The following TBC1D16 variants were observed in gnomAD, a reference collection of about 807,000 sequenced individuals.
TBC1D16 encodes TBC1 domain family member 16.
TBC1D16 carries 58 observed loss-of-function variants against 74.7 expected under a neutral mutation model. That is an observed-to-expected ratio of 0.78 (90% CI 0.63 to 0.97). The LOEUF (loss-of-function observed/expected upper bound fraction) is 0.97. Among genes scored for constraint, TBC1D16 ranks in the 50% least tolerant of loss-of-function variants. The pLI is 0.00. For synonymous variants in TBC1D16, 493 were observed against 474.7 expected (o/e 1.04, Z -0.50); for missense variants, 1,014 against 1,079.5 (o/e 0.94, Z 0.85).
At chr17:80,004,038 C>T (rs1021153402) in intron 3 of TBC1D16, among the ~76,000 whole-genome samples, 4 of 152,176 alleles carry the variant, frequency 2.6e-5, no homozygotes, top group Non-Finnish European at 4.4e-5. Context: ...CTGAGCAATA[C>T]GGTGAGACTC....
In TBC1D16 at chr17:80,002,068, C is replaced by T. The variant is rs4076066; in HGVS notation, c.779+8092G>A. The stretch of plus-strand genomic sequence containing the variant: ...TGGGCAGAAAAGGAACGGCAGGAAA[C>T]GCAGAAGGGATCCGGAACGAGCAGA... On this transcript the variant is annotated intron_variant, in intron 3 of 11. Coordinates refer to ENST00000310924, the MANE Select transcript of TBC1D16 (RefSeq NM_019020.4). 8.5e-5 allele frequency among the ~76,000 whole-genome samples: 13 copies of T among 152,250 alleles called. No homozygotes were observed. In the East Asian group the frequency reaches 1.5e-3, roughly 18 times the overall value.
In TBC1D16 at chr17:79,944,956, G is replaced by C. The variant is rs376608231; in HGVS notation, c.1860C>G (p.Pro620=). The change falls in exon 10 of 12, where the codon CCC becomes CCG. Residue 620 remains proline, a synonymous_variant. Coordinates refer to ENST00000310924, the MANE Select transcript of TBC1D16 (RefSeq NM_019020.4). This position sits in a 1 kb window ranked among gnomAD's most constrained non-coding sequence, Gnocchi z 7.7. ...CCCAGATCCGCAGCGCTTCGGCCTC[G>C]GGGAACTCCCGCTTGAAGCACAGAA... ...WLLLCFKREF[P]EAEALRIWEA... is the part of the protein sequence containing the mutation. The C allele has an allele frequency of 1.3e-6, 2 of 1,556,366 alleles. No homozygotes were observed. The highest frequency in any genetic ancestry group is 1.7e-6 in the Non-Finnish European group (2 of 1,149,838).
rs1189972219 is a variant in TBC1D16, at chr17:79,985,296, A to G, written c.779+24864T>C. 1.3e-5 allele frequency among the ~76,000 whole-genome samples: 2 copies of G among 152,148 alleles called. No homozygotes were observed. The highest frequency in any genetic ancestry group is 4.8e-5 in the African/African-American group (2 of 41,432). ...GCCACCCTAATCCAGGAAGACCTCA[A>G]CTGGATCCTTCCCTTGATCCCATCA... On this transcript the variant is annotated intron_variant, in intron 3 of 11. Coordinates refer to ENST00000310924, the MANE Select transcript of TBC1D16 (RefSeq NM_019020.4). The surrounding 1 kb of genome is among the most constrained non-coding windows in gnomAD (Gnocchi z 4.9).
chr17:80,013,459 G>A lies in TBC1D16; in HGVS notation c.89C>T (p.Pro30Leu), dbSNP rs909772758. The A allele has an allele frequency of 1.2e-6, 2 of 1,600,756 alleles. No individual in the cohort carries two copies. Among genetic ancestry groups the A allele is most frequent in the Admixed American group, 1.7e-5 (1 of 57,968 alleles). The change falls in exon 2 of 12, where the codon CCC becomes CTC. Residue 30 changes from proline (P) to leucine (L), a missense_variant. Pro to Leu is a moderately conservative substitution (Grantham distance 98). Transcript: ENST00000310924. ...GATGATCTCTCCATCCAGGACAGAGGGGGACCCGCTGCCGCTGCCACCGGG... is the reference window on the plus strand; with the variant it reads ...GATGATCTCTCCATCCAGGACAGAGAGGGACCCGCTGCCGCTGCCACCGGG... ...LTPGGSGSGSPSVLDGEIIYS... is the reference protein window; with the variant it reads ...LTPGGSGSGSLSVLDGEIIYS...
rs181752232 is a variant in TBC1D16, at chr17:79,948,905, C to A, written c.1508G>T (p.Arg503Leu). The A allele has an allele frequency of 2.5e-6, 4 of 1,613,996 alleles. No individual in the cohort carries two copies. Among genetic ancestry groups the A allele is most frequent in the African/African-American group, 1.3e-5 (1 of 74,914 alleles). Reference protein sequence around the residue: ...VRTDRNNQFFRGEDNPNVESM... With the variant: ...VRTDRNNQFFLGEDNPNVESM... ...CTCCACATTGGGATTGTCTTCCCCC[C>A]GGAAGAACTGGTTGTTCCGATCTGT... The change falls in exon 8 of 12, where the codon CGG becomes CTG. Residue 503 changes from arginine to leucine, a missense_variant. Arg to Leu is a moderately radical substitution (Grantham distance 102). Coordinates refer to ENST00000310924, the MANE Select transcript of TBC1D16 (RefSeq NM_019020.4).
In TBC1D16 at chr17:80,013,593, G is replaced by A; in HGVS notation, c.-46C>T. 1 of 1,452,568 alleles carries A rather than the reference G, an allele frequency of 6.9e-7. No homozygotes were observed. The highest frequency in any genetic ancestry group is 9.1e-7 in the Non-Finnish European group (1 of 1,098,878). 90.0% of individuals were successfully genotyped at this position (1,452,568 alleles called of 1,614,324 possible). ...CCTCCGCATGCGTCGGCCCGGGCAG[G>A]GCTCGTCAAGACCTGCCTGGGGGAG... On this transcript the variant is annotated 5_prime_UTR_variant, in exon 2 of 12. Transcript: ENST00000310924.
intron 3 of TBC1D16, among the ~76,000 whole-genome samples, chr17:79,963,281 TC>T (rs1317377698): frequency 6.6e-6 from 1 of 150,990 alleles, no homozygotes; most frequent in African/African-American, 2.4e-5. Flanking sequence ...CCAAGCAACA[TC>T]AACTGTCTGT....
chr17:79,933,840 C>G lies in TBC1D16; in HGVS notation c.*7019G>C, dbSNP rs1486335322. Reference sequence around the variant, plus strand: ...CCCAGTGCGCTCCTGCCTTGCTTCCCTAGAGCGAGCCCACGGTACCATAGT... The same window carrying G: ...CCCAGTGCGCTCCTGCCTTGCTTCCGTAGAGCGAGCCCACGGTACCATAGT... On this transcript the variant is annotated 3_prime_UTR_variant, in exon 12 of 12. Coordinates refer to ENST00000310924, the MANE Select transcript of TBC1D16 (RefSeq NM_019020.4). 6.6e-6 allele frequency: 1 copy of G among 152,254 alleles called. No individual in the cohort carries two copies. The highest frequency in any genetic ancestry group is 2.4e-5 in the African/African-American group (1 of 41,452). The allele number at this position is 152,254 out of a possible 1,614,324, so 9.4% of individuals were successfully genotyped here.
chr17:79,955,117 C>T (rs973087916), intron 3 of TBC1D16, among the ~76,000 whole-genome samples: 1 of 152,204 alleles, frequency 6.6e-6, no homozygotes, highest in Non-Finnish European at 1.5e-5. Context: ...CTCTCGCAAC[C>T]CCTTAGGGGC....
chr17:80,017,469 G>C (rs935739589), intron 1 of TBC1D16, among the ~76,000 whole-genome samples: 1 of 152,002 alleles, frequency 6.6e-6, no homozygotes, highest in Non-Finnish European at 1.5e-5. Flanking sequence ...ATCACCTGAG[G>C]TCGGGAGCTC....
rs1386602328 is a variant in TBC1D16, at chr17:79,980,382, T to C, written c.780-27564A>G. 6.6e-6 allele frequency among the ~76,000 whole-genome samples: 1 copy of C among 152,196 alleles called. No individual in the cohort carries two copies. Among genetic ancestry groups the C allele is most frequent in the African/African-American group, 2.4e-5 (1 of 41,436 alleles). On this transcript the variant is annotated intron_variant, in intron 3 of 11. Coordinates refer to ENST00000310924, the MANE Select transcript of TBC1D16 (RefSeq NM_019020.4). The surrounding 1 kb of genome is among the most constrained non-coding windows in gnomAD (Gnocchi z 7.0). ...AATTCCGCCTAACAAGCCGGAGCTTTCCTTCCTTCCCGGAGGAACAAGACA... is the reference window on the plus strand; with the variant it reads ...AATTCCGCCTAACAAGCCGGAGCTTCCCTTCCTTCCCGGAGGAACAAGACA...
intron 1 of TBC1D16, among the ~76,000 whole-genome samples, chr17:80,034,302 G>C (rs914265487): frequency 3.3e-5 from 5 of 149,936 alleles, no homozygotes; most frequent in African/African-American, 1.2e-4. Flanking sequence ...CCGAGCTCAA[G>C]CGATTCCCCT....
At chr17:79,973,155 G>A (rs750756637) in intron 3 of TBC1D16, among the ~76,000 whole-genome samples, 53 of 152,330 alleles carry the variant, frequency 3.5e-4, no homozygotes, top group African/African-American at 9.6e-4. Flanking sequence ...CAATACCCCC[G>A]TTGGTGCCTG....
rs1248624962 is a variant in TBC1D16, at chr17:79,990,115, C to T, written c.779+20045G>A. Among the ~76,000 whole-genome samples, 1 of 152,252 alleles carries T rather than the reference C, an allele frequency of 6.6e-6. No homozygotes were observed. Among genetic ancestry groups the T allele is most frequent in the Non-Finnish European group, 1.5e-5 (1 of 68,042 alleles). On this transcript the variant is annotated intron_variant, in intron 3 of 11. Coordinates refer to ENST00000310924, the MANE Select transcript of TBC1D16 (RefSeq NM_019020.4). The surrounding 1 kb of genome is among the most constrained non-coding windows in gnomAD (Gnocchi z 4.8). ...GGAAGCTTCCGTCAAGGTTTTCCCACACTCCATGTCAGGTCTCTGACATGA... is the reference window on the plus strand; with the variant it reads ...GGAAGCTTCCGTCAAGGTTTTCCCATACTCCATGTCAGGTCTCTGACATGA...
chr17:80,017,357 G>T (rs143348889), intron 1 of TBC1D16, among the ~76,000 whole-genome samples: 318 of 152,134 alleles, frequency 2.1e-3, no homozygotes, highest in African/African-American at 7.4e-3. Flanking sequence ...GTCTCAAAAA[G>T]AATTCTTTCC....
Position 79,940,855 on chromosome 17 carries a change from C to A in TBC1D16, c.*4G>T. The A allele has an allele frequency of 6.5e-7, 1 of 1,533,996 alleles. No individual in the cohort carries two copies. Among genetic ancestry groups the A allele is most frequent in the East Asian group, 2.3e-5 (1 of 43,260 alleles). ...CAACCCCTGTCCGGTGTCGGGGGCC[C>A]GACCTATCTGCGGAAGCCGAAGCCG... On this transcript the variant is annotated 3_prime_UTR_variant, in exon 12 of 12. Transcript: ENST00000310924. The surrounding 1 kb of genome is among the most constrained non-coding windows in gnomAD (Gnocchi z 5.4).
Position 79,984,560 on chromosome 17 carries a change from A to AAGAAAGAGAG in TBC1D16, c.779+25599_779+25600insCTCTCTTTCT, listed in dbSNP as rs141654166. Among the ~76,000 whole-genome samples, 276 of 132,670 alleles carry AAGAAAGAGAG rather than the reference A, an allele frequency of 2.1e-3. 2 individuals are homozygous for AAGAAAGAGAG. The highest frequency in any genetic ancestry group is 6.6e-3 in the African/African-American group (246 of 37,420). 87.0% of individuals were successfully genotyped at this position (132,670 alleles called of 152,430 possible). A position where few individuals can be genotyped will look rare whatever the true frequency, so the allele number is the denominator to read the frequency against. On this transcript the variant is annotated intron_variant, in intron 3 of 11. Coordinates refer to ENST00000310924, the MANE Select transcript of TBC1D16 (RefSeq NM_019020.4). ...CTACTTTTATAATTAAAAAGAAAGA[A>AAGAAAGAGAG]AGAGAGAGAGAGAAAGAAAGAAAAA...
At position 79,935,593 on chromosome 17, in the gene TBC1D16, C is replaced by T. The variant is rs988441679; in HGVS notation, c.*5266G>A. On this transcript the variant is annotated 3_prime_UTR_variant, in exon 12 of 12. Coordinates refer to ENST00000310924, the MANE Select transcript of TBC1D16 (RefSeq NM_019020.4). ...CTGCCGTGCTTTGACCCAGCAAGTC[C>T]CACCGCACCTTCCAGAGGCACTGTA... The T allele has an allele frequency of 2.6e-5, 4 of 152,304 alleles. No individual in the cohort carries two copies. Among genetic ancestry groups the T allele is most frequent in the African/African-American group, 9.6e-5 (4 of 41,472 alleles). 9.4% of individuals were successfully genotyped at this position (152,304 alleles called of 1,614,324 possible).
intron 3 of TBC1D16, among the ~76,000 whole-genome samples, chr17:80,003,644 T>TAA (rs74270527): frequency 2.3e-5 from 3 of 132,686 alleles, no homozygotes; most frequent in Non-Finnish European, 3.3e-5. Context: ...AACAGAAAAG[T>TAA]AAAAAAAAAA....
Sources: allele counts gnomAD v4.1 joint callset (sites outside exome capture counted in the v4.1 genomes callset), GRCh38; gene constraint gnomAD v4.1.1; non-coding constraint Gnocchi (gnomAD v3.1); transcripts MANE v1.5; gene names NCBI Gene and HGNC (gene_info 2026-07-23, HGNC 2026-07-21).